PELI2: variants seen among roughly 807,000 people sequenced by gnomAD.
The protein encoded by PELI2 is E3 ubiquitin-protein ligase pellino homolog 2.
A neutral mutation model predicts 42.3 loss-of-function variants in PELI2; 23 were observed. The ratio of observed to expected loss-of-function variants is 0.54; its 90% confidence interval spans 0.39 to 0.77. PELI2 has a LOEUF of 0.77. PELI2 is among the 30% of genes least tolerant of loss of function. The pLI is 0.00. For synonymous variants in PELI2, 245 were observed against 212.2 expected (o/e 1.15, Z -1.34); for missense variants, 463 against 553.2 (o/e 0.84, Z 1.64).
chr14:56,278,318 A>C (rs1889362810), intron 2 of PELI2, among the ~76,000 whole-genome samples: 1 of 152,176 alleles, frequency 6.6e-6, no homozygotes, highest in African/African-American at 2.4e-5. Context: ...TGATGATTTG[A>C]TATATATACA....
chr14:56,156,129 A>C (rs1286016751), intron 1 of PELI2, among the ~76,000 whole-genome samples: 1 of 152,220 alleles, frequency 6.6e-6, no homozygotes, highest in Admixed American at 6.5e-5. Context: ...TCTTAAAAAC[A>C]GTAATCTGGA....
At chr14:56,146,967 G>A (rs151138361) in intron 1 of PELI2, among the ~76,000 whole-genome samples, 169 of 152,196 alleles carry the variant, frequency 1.1e-3, no homozygotes, top group Non-Finnish European at 2.0e-3. Flanking sequence ...TCCTGTGCCC[G>A]TCTCAGCTCT....
chr14:56,141,025 G>A (rs997584988), intron 1 of PELI2, among the ~76,000 whole-genome samples: 1 of 152,154 alleles, frequency 6.6e-6, no homozygotes, highest in Admixed American at 6.5e-5. Flanking sequence ...ATTAGTTCAG[G>A]AGTATAAAAA....
chr14:56,206,125 T>C (rs1017908747), intron 2 of PELI2, among the ~76,000 whole-genome samples: 2 of 152,124 alleles, frequency 1.3e-5, no homozygotes, highest in Non-Finnish European at 2.9e-5. Context: ...TACTAGAGTA[T>C]TTGCAGTAGG....
At chr14:56,205,604 TAAAATG>T (rs1886490919) in intron 2 of PELI2, among the ~76,000 whole-genome samples, 1 of 152,202 alleles carries the variant, frequency 6.6e-6, no homozygotes, top group African/African-American at 2.4e-5. Context: ...TATAGAAAGT[TAAAATG>T]AATGTTTGAA....
At chr14:56,248,075 G>T (rs577929187) in intron 2 of PELI2, among the ~76,000 whole-genome samples, 1 of 152,264 alleles carries the variant, frequency 6.6e-6, no homozygotes, top group East Asian at 1.9e-4. Context: ...TGCTCCATTT[G>T]GCAATTTTTT....
chr14:56,131,658 T>C (rs1440162293), intron 1 of PELI2, among the ~76,000 whole-genome samples: 1 of 152,178 alleles, frequency 6.6e-6, no homozygotes, highest in African/African-American at 2.4e-5. Flanking sequence ...ACTACTGTTA[T>C]GAATATTAAA....
chr14:56,123,614 T>C (rs983625110), intron 1 of PELI2, among the ~76,000 whole-genome samples: 8 of 152,230 alleles, frequency 5.3e-5, no homozygotes, highest in African/African-American at 1.9e-4. Flanking sequence ...TTTCTCAGAT[T>C]TATTTATTTC....
rs149251785 is a variant in PELI2, at chr14:56,244,492, A to T, written c.208-35184A>T. On this transcript the variant is annotated intron_variant, in intron 2 of 5. Coordinates refer to ENST00000267460, the MANE Select transcript of PELI2 (RefSeq NM_021255.3). ...GTTGAAACCCTTCGCTTCAGGAGAG[A>T]TTCTTTTTGTTGTTTATTTGGAAGG... Among the ~76,000 whole-genome samples, 176 of 152,224 alleles carry T rather than the reference A, an allele frequency of 1.2e-3. 2 individuals carry two copies. The highest frequency in any genetic ancestry group is 4.0e-3 in the African/African-American group (165 of 41,546).
intron 1 of PELI2, among the ~76,000 whole-genome samples, chr14:56,124,629 C>T (rs141707236): frequency 4.3e-4 from 65 of 152,300 alleles, no homozygotes; most frequent in Middle Eastern, 3.4e-3. Flanking sequence ...CTAAGGGATA[C>T]GCAGATGAAC....
At chr14:56,212,305 G>T (rs748125741) in intron 2 of PELI2, among the ~76,000 whole-genome samples, 2 of 152,146 alleles carry the variant, frequency 1.3e-5, no homozygotes, top group Non-Finnish European at 2.9e-5. Flanking sequence ...ATACTACTGC[G>T]CTGTGTTTTA....
chr14:56,182,778 A>G (rs1473319716), intron 2 of PELI2, among the ~76,000 whole-genome samples: 19 of 152,180 alleles, frequency 1.2e-4, no homozygotes, highest in Admixed American at 1.1e-3. Flanking sequence ...GAATAATACA[A>G]CAGTAACCGT....
chr14:56,158,604 C>T (rs1323460426), intron 1 of PELI2, among the ~76,000 whole-genome samples: 1 of 152,154 alleles, frequency 6.6e-6, no homozygotes, highest in Admixed American at 6.5e-5. Context: ...GTCCACCTGC[C>T]TTGACCTCCC....
chr14:56,157,881 A>G (rs1294964716), intron 1 of PELI2, among the ~76,000 whole-genome samples: 3 of 152,240 alleles, frequency 2.0e-5, no homozygotes, highest in Non-Finnish European at 4.4e-5. Flanking sequence ...TTCCAATGCT[A>G]GTTTCAATTT....
rs1887705546 is a variant in PELI2, at chr14:56,234,389, G to A, written c.208-45287G>A. Among the ~76,000 whole-genome samples the A allele has an allele frequency of 2.6e-5, 4 of 152,222 alleles. No homozygotes were observed. In the South Asian group the frequency reaches 8.3e-4, roughly 32 times the overall value. ...ATGATAGACTGGGTTAAGAAAATGT[G>A]GTACATATACACCATGGAATACTAT... On this transcript the variant is annotated intron_variant, in intron 2 of 5. Coordinates refer to ENST00000267460, the MANE Select transcript of PELI2 (RefSeq NM_021255.3).
At chr14:56,137,188 G>T (rs1883715458) in intron 1 of PELI2, among the ~76,000 whole-genome samples, 1 of 129,644 alleles carries the variant, frequency 7.7e-6, no homozygotes, top group Admixed American at 7.7e-5. Context: ...ATTAACACAA[G>T]CCCATAGTAA....
In PELI2 at chr14:56,300,168, T is replaced by G. The variant is rs1322066859; in HGVS notation, c.*3002T>G. The G allele has an allele frequency of 6.6e-6, 1 of 152,660 alleles. No homozygotes were observed. The highest frequency in any genetic ancestry group is 1.9e-4 in the East Asian group (1 of 5,196). 9.5% of individuals were successfully genotyped at this position (152,660 alleles called of 1,614,324 possible). On this transcript the variant is annotated 3_prime_UTR_variant, in exon 6 of 6. Transcript: ENST00000267460. Reference sequence around the variant, plus strand: ...TTTATCATTCCTCGATAGTTAATTATAGACTTTGGTACCTTTGTGCCTCAG... The same window carrying G: ...TTTATCATTCCTCGATAGTTAATTAGAGACTTTGGTACCTTTGTGCCTCAG...
intron 1 of PELI2, among the ~76,000 whole-genome samples, chr14:56,127,815 G>A (rs1161613796): frequency 6.6e-6 from 1 of 152,168 alleles, no homozygotes; most frequent in Non-Finnish European, 1.5e-5. Flanking sequence ...TAATGAGAGG[G>A]ACTAAAAGAT....
intron 1 of PELI2, among the ~76,000 whole-genome samples, chr14:56,162,294 T>G (rs1017878374): frequency 4.5e-4 from 68 of 152,180 alleles, no homozygotes; most frequent in Admixed American, 4.4e-3. Context: ...GTGACCATCT[T>G]TCTACTCTCT....
Sources: gnomAD v4.1 joint callset for allele counts (sites outside exome capture counted in the v4.1 genomes callset) on GRCh38, gnomAD v4.1.1 for gene constraint, MANE v1.5 for transcripts, NCBI Gene and HGNC (gene_info 2026-07-23, HGNC 2026-07-21) for gene names.